PSMD14: variants seen among roughly 807,000 people sequenced by gnomAD.
PSMD14 encodes ubiquitin C-terminal hydrolase PSMD14.
Under a neutral mutation model 41.2 loss-of-function variants are expected in PSMD14, and 7 were observed. The ratio of observed to expected loss-of-function variants is 0.17; its 90% CI spans 0.10 to 0.32. The LOEUF (loss-of-function observed/expected upper bound fraction) is 0.32. Ranked by LOEUF, PSMD14 falls within the 10% of genes least tolerant of loss-of-function variation. The pLI is 1.00. For synonymous variants in PSMD14, 114 were observed against 122.3 expected (o/e 0.93, Z 0.45); for missense variants, 139 against 375.6 (o/e 0.37, Z 5.21).
At chr2:161,387,781 C>T (rs1683653236) in intron 8 of PSMD14, among the ~76,000 whole-genome samples, 1 of 151,762 alleles carries the variant, frequency 6.6e-6, no homozygotes, top group South Asian at 2.1e-4. Flanking sequence ...AATTTTTTTA[C>T]AGTGAAACAT....
At position 161,367,559 on chromosome 2, in the gene PSMD14, G is replaced by A. The variant is rs753852310; in HGVS notation, c.120+10G>A. 8 of 1,585,266 alleles carry A rather than the reference G, an allele frequency of 5.0e-6. No homozygotes were observed. In the South Asian group the frequency reaches 6.9e-5, roughly 14 times the overall value. ...CCTGGCACTGTTAAAAGTAGGTAAT[G>A]AATGTAGTTACTTGCTTTAGAGAAC... On this transcript the variant is annotated intron_variant, in intron 4 of 11. Transcript: ENST00000409682.
intron 3 of PSMD14, among the ~76,000 whole-genome samples, chr2:161,357,753 A>G (rs539565155): frequency 5.3e-5 from 8 of 152,272 alleles, no homozygotes; most frequent in African/African-American, 1.7e-4. Flanking sequence ...CTTATTTTAT[A>G]GTGGCATTGT....
chr2:161,315,036 A>G (rs1448172410), intron 1 of PSMD14, among the ~76,000 whole-genome samples: 4 of 152,242 alleles, frequency 2.6e-5, no homozygotes, highest in Non-Finnish European at 5.9e-5. Context: ...AATCTAGGGT[A>G]TTATCATCTC....
chr2:161,393,674 C>T (rs369147459), intron 9 of PSMD14, among the ~76,000 whole-genome samples: 20 of 152,110 alleles, frequency 1.3e-4, no homozygotes, highest in South Asian at 8.3e-4. Flanking sequence ...GTTCTATTGA[C>T]GAAACAACAG....
intron 3 of PSMD14, among the ~76,000 whole-genome samples, chr2:161,351,392 A>G (rs958514772): frequency 2.0e-5 from 3 of 152,204 alleles, no homozygotes; most frequent in African/African-American, 2.4e-5. Flanking sequence ...GTCTCTGTCT[A>G]CATTCATCTT....
Position 161,389,890 on chromosome 2 carries a change from T to TTG in PSMD14, c.571-1213_571-1212insGT, listed in dbSNP as rs1491264229. On this transcript the variant is annotated intron_variant, in intron 8 of 11. Transcript: ENST00000409682. ...GTCTTATTTTCTTTCTTTTTTGTTG[T>TTG]TTTTTTTTTTTTTTTTTTTTTTAGA... Among the ~76,000 whole-genome samples the TTG allele has an allele frequency of 4.8e-3, 320 of 66,948 alleles. 37 individuals carry two copies. The highest frequency in any genetic ancestry group is 0.017 in the African/African-American group (245 of 14,256). 43.9% of individuals were successfully genotyped at this position (66,948 alleles called of 152,430 possible). A position where few individuals can be genotyped will look rare whatever the true frequency, so the allele number is the denominator to read the frequency against.
chr2:161,370,371 A>G (rs1683416109), intron 6 of PSMD14, among the ~76,000 whole-genome samples, 194 bp downstream of exon 6: 2 of 152,086 alleles, frequency 1.3e-5, no homozygotes, highest in Non-Finnish European at 2.9e-5. Flanking sequence ...AAATTTGCCC[A>G]TCAGAGAACT....
chr2:161,339,157 T>G (rs914111868), intron 3 of PSMD14, among the ~76,000 whole-genome samples: 14 of 152,206 alleles, frequency 9.2e-5, no homozygotes, highest in Admixed American at 2.6e-4. Context: ...CTTAAATACC[T>G]AGGATTAGAT....
chr2:161,340,700 C>T, intron 3 of PSMD14: 5 of 1,542,044 alleles, frequency 3.2e-6, no homozygotes, highest in Non-Finnish European at 4.4e-6. Flanking sequence ...TTTATGGAGG[C>T]AGCATGCACC....
chr2:161,395,971 C>G (rs189220291), intron 10 of PSMD14, among the ~76,000 whole-genome samples: 1 of 152,190 alleles, frequency 6.6e-6, no homozygotes, highest in Admixed American at 6.5e-5. Context: ...TGCAGACTTT[C>G]AGACCTAATG....
intron 3 of PSMD14, among the ~76,000 whole-genome samples, chr2:161,365,063 G>A (rs569289877): frequency 1.3e-5 from 2 of 152,166 alleles, no homozygotes; most frequent in South Asian, 4.1e-4. Context: ...CCAAGATCGC[G>A]CCATTGCACT....
intron 10 of PSMD14, among the ~76,000 whole-genome samples, chr2:161,401,964 A>C (rs772554212): frequency 1.3e-5 from 2 of 152,178 alleles, no homozygotes; most frequent in South Asian, 2.1e-4. Flanking sequence ...CTCTAAAATG[A>C]GGTTAAGGAT....
rs529438633 is a variant in PSMD14 at position 161,313,789 on chromosome 2, G to C, written c.-137-2648G>C. Reference sequence around the variant, plus strand: ...TGAACCTAGAACATACTTGTCTTGTGTAGATCAGTTCTGTATTTCAAATAC... The same window carrying C: ...TGAACCTAGAACATACTTGTCTTGTCTAGATCAGTTCTGTATTTCAAATAC... On this transcript the variant is annotated intron_variant, in intron 1 of 11. Coordinates refer to ENST00000409682, the MANE Select transcript of PSMD14 (RefSeq NM_005805.6). Among the ~76,000 whole-genome samples the C allele has an allele frequency of 3.9e-5, 6 of 152,302 alleles. No individual in the cohort carries two copies. In the South Asian group the frequency reaches 8.3e-4, roughly 21 times the overall value.
At chr2:161,355,738 A>AT (rs1298189513) in intron 3 of PSMD14, among the ~76,000 whole-genome samples, 2 of 152,216 alleles carry the variant, frequency 1.3e-5, no homozygotes, top group Non-Finnish European at 2.9e-5. Flanking sequence ...AAACACTTTT[A>AT]TATTAAGGAT....
chr2:161,329,257 A>G (rs536253497), intron 3 of PSMD14, among the ~76,000 whole-genome samples: 11 of 152,294 alleles, frequency 7.2e-5, no homozygotes, highest in South Asian at 4.1e-4. Flanking sequence ...TTTTTATTCT[A>G]TATCTGCTAG....
At chr2:161,389,988 C>G (rs959591939) in intron 8 of PSMD14, among the ~76,000 whole-genome samples, 2 of 143,896 alleles carry the variant, frequency 1.4e-5, no homozygotes, top group African/African-American at 5.1e-5. Flanking sequence ...CCTCAGCCTC[C>G]CAGAGTGCTG....
intron 7 of PSMD14, among the ~76,000 whole-genome samples, chr2:161,375,574 T>C (rs62188121): frequency 0.066 from 10,049 of 152,136 alleles, 451 homozygotes; most frequent in East Asian, 0.15. Context: ...GGGAAGAATG[T>C]AGAAACAATA....
rs186720593 is a variant in PSMD14, at chr2:161,321,780, C to G, written c.48+2907C>G. Among the ~76,000 whole-genome samples the G allele has an allele frequency of 1.1e-4, 17 of 152,296 alleles. No homozygotes were observed. In the East Asian group the frequency reaches 3.3e-3, roughly 29 times the overall value. ...ATTAGGAGGACCAGTGAAATGAAGA[C>G]ACACAGGATGGGGTCTGGGAGGAGA... On this transcript the variant is annotated intron_variant, in intron 3 of 11. Transcript: ENST00000409682.
At chr2:161,341,261 G>A (rs1487872337) in intron 3 of PSMD14, 4 of 1,009,846 alleles carry the variant, frequency 4.0e-6, no homozygotes, top group East Asian at 9.5e-5. Flanking sequence ...GTAGCCAGGC[G>A]AGCAGAAGGG....
Sources: allele counts gnomAD v4.1 joint callset (sites outside exome capture counted in the v4.1 genomes callset), GRCh38; gene constraint gnomAD v4.1.1; transcripts MANE v1.5; gene names NCBI Gene and HGNC (gene_info 2026-07-23, HGNC 2026-07-21).